ASMTL: variants seen among roughly 807,000 people sequenced by gnomAD.
ASMTL encodes the protein probable bifunctional dTTP/UTP pyrophosphatase/methyltransferase protein.
In ASMTL, 57 loss-of-function variants were observed where a neutral mutation model predicts 60.3. The observed-to-expected ratio is 0.95, with a 90% CI of 0.76 to 1.18. The LOEUF (loss-of-function observed/expected upper bound fraction) is 1.18. ASMTL is among the 50% of genes most tolerant of loss of function. The pLI is 0.00. For synonymous variants in ASMTL, 419 were observed against 373.0 expected, an observed-to-expected ratio of 1.12 and a Z score of -1.42; for missense variants, 981 against 852.6, an observed-to-expected ratio of 1.15 and a Z score of -1.88.
chrX:1,448,564 C>A (rs2091281854), intron 1 of ASMTL, among the ~76,000 whole-genome samples: 1 of 151,642 alleles, frequency 6.6e-6, no homozygotes, highest in African/African-American at 2.4e-5. Context: ...GGATAAGCAC[C>A]ACCATCTTGG....
chrX:1,433,648 C>T (rs1208639602), intron 5 of ASMTL, among the ~76,000 whole-genome samples: 1 of 151,560 alleles, frequency 6.6e-6, no homozygotes, highest in East Asian at 1.9e-4. Context: ...CAAGTGCACT[C>T]TAGCCTGGGC....
rs187244674 is a variant in ASMTL, at chrX:1,436,912, A to C, written c.274-1154T>G. Among the ~76,000 whole-genome samples the C allele has an allele frequency of 1.8e-3, 277 of 152,298 alleles. 1 individual carries two copies. The highest frequency in any genetic ancestry group is 6.4e-3 in the African/African-American group (264 of 41,560). ...ACAACCCAGGTGGCTTAAACTACAG[A>C]CATTGATTCTCCCATCGTCGTGGAG... On this transcript the variant is annotated intron_variant, in intron 3 of 12. Transcript: ENST00000381317.
intron 3 of ASMTL, among the ~76,000 whole-genome samples, chrX:1,437,133 T>G (rs1407401490): frequency 5.3e-5 from 8 of 151,696 alleles, no homozygotes; most frequent in Non-Finnish European, 1.2e-4. Context: ...GGGTGGCTTA[T>G]AAACAACAGG....
chrX:1,412,681 C>G (rs1357381520), intron 12 of ASMTL, 51 bp downstream of exon 12: 2 of 1,612,566 alleles, frequency 1.2e-6, no homozygotes, highest in Admixed American at 1.7e-5. Context: ...AAACTTGAAC[C>G]CAAAATACTA....
intron 8 of ASMTL, among the ~76,000 whole-genome samples, chrX:1,422,530 C>G (rs778684533): frequency 3.4e-4 from 52 of 152,138 alleles, no homozygotes; most frequent in African/African-American, 1.1e-3. Flanking sequence ...CACTTCATGC[C>G]CAGGTCAGCT....
Position 1,435,823 on chromosome X carries a change from C to T in ASMTL, c.274-65G>A, listed in dbSNP as rs376453089. ...CTGGGTCAGGCCTGTGCAAGTCCCA[C>T]GGTCCCATTCGCAGAAGTCACTTGT... On this transcript the variant is annotated intron_variant, in intron 3 of 12. Coordinates refer to ENST00000381317, the MANE Select transcript of ASMTL (RefSeq NM_004192.4). 378 of 1,343,030 alleles carry T rather than the reference C, an allele frequency of 2.8e-4. 1 individual carries two copies. Among genetic ancestry groups the T allele is most frequent in the African/African-American group, 2.5e-3 (174 of 69,000 alleles). The allele number at this position is 1,343,030 out of a possible 1,614,324, so 83.2% of individuals were successfully genotyped here.
intron 1 of ASMTL, among the ~76,000 whole-genome samples, chrX:1,445,004 T>A (rs1435094995): frequency 1.3e-5 from 2 of 152,100 alleles, no homozygotes; most frequent in East Asian, 3.9e-4. Context: ...CTCTTCTCTC[T>A]CTCTCTCTGT....
At chrX:1,452,719 C>G in intron 1 of ASMTL, 29 bp downstream of exon 1, 1 of 1,559,332 alleles carries the variant, frequency 6.4e-7, no homozygotes, top group Admixed American at 1.8e-5. Context: ...CGTCCCCGGT[C>G]CCCTGCCCCG....
At chrX:1,432,837 A>C (rs1373651861) in intron 5 of ASMTL, among the ~76,000 whole-genome samples, 7 of 152,274 alleles carry the variant, frequency 4.6e-5, no homozygotes, top group South Asian at 4.1e-4. Flanking sequence ...TCTAAAAAAA[A>C]CAAAAGAAAC....
chrX:1,436,171 C>T (rs1204738629), intron 3 of ASMTL, among the ~76,000 whole-genome samples: 7 of 152,144 alleles, frequency 4.6e-5, no homozygotes, highest in South Asian at 4.1e-4. Flanking sequence ...TGTTTCACAG[C>T]CTCGTTCCTT....
chrX:1,439,330 AG>A (rs1285768989), intron 2 of ASMTL, 186 bp from the exon 3 acceptor site: 1 of 158,420 alleles, frequency 6.3e-6, no homozygotes, highest in Non-Finnish European at 1.4e-5. Flanking sequence ...GTCGCCCTGC[AG>A]GGGCTGGAAC....
chrX:1,419,547 G>A (rs1242111364), intron 9 of ASMTL, among the ~76,000 whole-genome samples: 1 of 151,984 alleles, frequency 6.6e-6, no homozygotes, highest in Non-Finnish European at 1.5e-5. Flanking sequence ...GGGCTCCTCC[G>A]AGAATTCTGG....
chrX:1,418,073 A>G lies in ASMTL; in HGVS notation c.1422T>C (p.Pro474=), dbSNP rs1422403825. 6.2e-7 allele frequency: 1 copy of G among 1,612,756 alleles called. No homozygotes were observed. The highest frequency in any genetic ancestry group is 8.5e-7 in the Non-Finnish European group (1 of 1,179,138). The change falls in exon 11 of 13, where the codon CCT becomes CCC. Residue 474 remains proline, a synonymous_variant. Coordinates refer to ENST00000381317, the MANE Select transcript of ASMTL (RefSeq NM_004192.4). The part of the protein sequence containing the change: ...ALARELAREY[P]RMQVTVFDLP... ...GGTCAAACACAGTCACCTGCATACG[A>G]GGGTACTCACGGGCCAGCTCTCGGG... is the stretch of plus-strand genomic sequence containing the variant.
intron 6 of ASMTL, among the ~76,000 whole-genome samples, chrX:1,428,356 G>A (rs1229645893): frequency 1.3e-5 from 2 of 150,934 alleles, no homozygotes; most frequent in African/African-American, 2.4e-5. Context: ...CAATTTCACA[G>A]CAAGGCTGGG....
At chrX:1,423,024 C>T (rs1281436485) in intron 8 of ASMTL, among the ~76,000 whole-genome samples, 1 of 152,174 alleles carries the variant, frequency 6.6e-6, no homozygotes, top group Admixed American at 6.5e-5. Context: ...ACGATCTCAG[C>T]TCACTGCAAG....
In ASMTL at chrX:1,419,942, G is replaced by GTCTGTC. The variant is rs747970169; in HGVS notation, c.1246-834_1246-829dup. Among the ~76,000 whole-genome samples the GTCTGTC allele has an allele frequency of 2.8e-4, 43 of 152,142 alleles. No homozygotes were observed. The South Asian group carries it at 6.4e-3, about 23-fold the overall frequency. ...ACTCTTTCTCCCTTGGTCTCTGTCT[G>GTCTGTC]TCTGTCTCTGTCTCCGTCTGTGTGT... On this transcript the variant is annotated intron_variant, in intron 9 of 12. Transcript: ENST00000381317.
intron 10 of ASMTL, 54 bp from the exon 11 acceptor site, chrX:1,418,170 G>A (rs1313227166): frequency 2.5e-5 from 39 of 1,534,372 alleles, no homozygotes; most frequent in East Asian, 1.6e-4. Context: ...GAACTCTGAC[G>A]ACTCTCCAAA....
intron 11 of ASMTL, among the ~76,000 whole-genome samples, chrX:1,413,343 C>T (rs1231572518): frequency 7.2e-6 from 1 of 139,178 alleles, no homozygotes; most frequent in African/African-American, 2.6e-5. Context: ...GCCTGGGCGA[C>T]AAGAAGGCAA....
At chrX:1,428,249 C>G in intron 6 of ASMTL, 128 bp from the exon 7 acceptor site, 18 of 1,169,964 alleles carry the variant, frequency 1.5e-5, no homozygotes, top group Non-Finnish European at 2.0e-5. Context: ...CTGGCTAACA[C>G]AGTGAAACCC....
Sources: gnomAD v4.1 joint callset for allele counts (sites outside exome capture counted in the v4.1 genomes callset) on GRCh38, gnomAD v4.1.1 for gene constraint, MANE v1.5 for transcripts, NCBI Gene and HGNC (gene_info 2026-07-23, HGNC 2026-07-21) for gene names.